The following SEMA3D variants were observed in gnomAD, a reference collection of about 807,000 sequenced individuals.
SEMA3D encodes the protein semaphorin 3D.
SEMA3D carries 84 observed loss-of-function variants against 100.1 expected under a neutral mutation model. The observed-to-expected ratio is 0.84, with a 90% CI of 0.70 to 1.01. SEMA3D has a LOEUF of 1.01. Ranked by LOEUF, SEMA3D falls within the 50% of genes least tolerant of loss-of-function variation. The pLI is 0.00. For synonymous variants in SEMA3D, 312 were observed against 320.7 expected, an observed-to-expected ratio of 0.97 and a Z score of 0.29; for missense variants, 875 against 934.1, an observed-to-expected ratio of 0.94 and a Z score of 0.82.
At position 85,169,770 on chromosome 7, in the gene SEMA3D, AT is replaced by A. The variant is rs371379171; in HGVS notation, c.-172-16032del. 3.1e-4 allele frequency among the ~76,000 whole-genome samples: 47 copies of A among 151,422 alleles called. No individual in the cohort carries two copies. The East Asian group carries it at 7.6e-3, about 24-fold the overall frequency. On this transcript the variant is annotated intron_variant, in intron 1 of 18. Coordinates refer to ENST00000284136, the MANE Select transcript of SEMA3D (RefSeq NM_001384900.1). The stretch of plus-strand genomic sequence containing the variant: ...ATTCTTTTTTCAAAACTCTACTTAC[AT>A]TTTTTTTCATTTGCAGATACAAAAC...
chr7:85,075,930 C>T (rs148413940), intron 5 of SEMA3D, among the ~76,000 whole-genome samples: 1 of 152,170 alleles, frequency 6.6e-6, no homozygotes, highest in African/African-American at 2.4e-5. Context: ...TTTATTCTTA[C>T]ACACAAAGTT....
chr7:85,001,967 A>C (rs990138746), intron 18 of SEMA3D, among the ~76,000 whole-genome samples: 3 of 152,082 alleles, frequency 2.0e-5, no homozygotes, highest in Admixed American at 2.0e-4. Flanking sequence ...GCTTTTAGAG[A>C]TTATCACAGC....
intron 2 of SEMA3D, among the ~76,000 whole-genome samples, chr7:85,126,408 T>TGTC (rs1562828145): frequency 0.01 from 1,354 of 130,650 alleles, 21 homozygotes; most frequent in African/African-American, 0.037. Context: ...GTGTGTCGTG[T>TGTC]GTGTGTGTGT....
At chr7:85,084,216 A>G (rs868338757) in intron 4 of SEMA3D, among the ~76,000 whole-genome samples, 1 of 152,270 alleles carries the variant, frequency 6.6e-6, no homozygotes, top group Middle Eastern at 3.4e-3. Context: ...TGAACTCTCA[A>G]GGTATCCTCT....
At chr7:85,194,816 T>C in the SEMA3D span, among the ~76,000 whole-genome samples, 3 of 152,164 alleles carry the variant, frequency 2.0e-5, no homozygotes, top group African/African-American at 7.2e-5. Flanking sequence ...TTCTAATTAG[T>C]GTGTAGATGG....
chr7:85,023,845 G>C (rs1790320158), intron 12 of SEMA3D, among the ~76,000 whole-genome samples: 1 of 151,838 alleles, frequency 6.6e-6, no homozygotes, highest in African/African-American at 2.4e-5. Context: ...TGTACTAAAA[G>C]TCTGTTAATG....
intron 2 of SEMA3D, among the ~76,000 whole-genome samples, chr7:85,135,493 C>T (rs1014796930): frequency 1.4e-4 from 21 of 151,064 alleles, no homozygotes; most frequent in Non-Finnish European, 1.2e-4. Context: ...CATAACACAC[C>T]GGGGCCTGTC....
chr7:85,144,578 T>C, intron 2 of SEMA3D: 1 of 985,188 alleles, frequency 1.0e-6, no homozygotes, highest in South Asian at 4.7e-5. Context: ...AGGATTTCCG[T>C]GAGGATCTTT....
At chr7:85,056,956 G>C (rs1483957239) in intron 8 of SEMA3D, among the ~76,000 whole-genome samples, 1 of 147,878 alleles carries the variant, frequency 6.8e-6, no homozygotes, top group Non-Finnish European at 1.5e-5. Flanking sequence ...TATATAATAA[G>C]TATTTAATAA....
At chr7:85,155,516 C>T (rs1440402230) in intron 1 of SEMA3D, among the ~76,000 whole-genome samples, 1 of 152,116 alleles carries the variant, frequency 6.6e-6, no homozygotes, top group Non-Finnish European at 1.5e-5. Context: ...GTATTTCCAA[C>T]AGGGGTGTAA....
chr7:85,236,700 C>G, the SEMA3D span, among the ~76,000 whole-genome samples: 298 of 152,202 alleles, frequency 2.0e-3, 1 homozygote, highest in Middle Eastern at 0.01. Flanking sequence ...AAAATCATCT[C>G]ATAAACTTAA....
At chr7:85,225,236 C>T in the SEMA3D span, among the ~76,000 whole-genome samples, 5 of 146,302 alleles carry the variant, frequency 3.4e-5, no homozygotes, top group Admixed American at 2.8e-4. Context: ...ACTTTTAGTG[C>T]TATTTTCTAG....
Position 85,014,745 on chromosome 7 carries a change from T to C in SEMA3D, c.1703+314A>G, listed in dbSNP as rs551029073. On this transcript the variant is annotated intron_variant, in intron 16 of 18. Transcript: ENST00000284136. ...GAAATAAGAAATAAGGAAGGAACAA[T>C]TATAAAAAAGGCAAAATAGTGAATA... Among the ~76,000 whole-genome samples the C allele has an allele frequency of 1.2e-3, 180 of 151,472 alleles. 5 individuals are homozygous for C. In the South Asian group the frequency reaches 0.036, roughly 30 times the overall value.
intron 15 of SEMA3D, among the ~76,000 whole-genome samples, chr7:85,017,786 T>C (rs2115824230): frequency 6.6e-6 from 1 of 151,896 alleles, no homozygotes; most frequent in South Asian, 2.1e-4. Flanking sequence ...CCCAACAAAC[T>C]CTGGAGGTGG....
chr7:85,249,658 A>G, the SEMA3D span, among the ~76,000 whole-genome samples: 2 of 152,218 alleles, frequency 1.3e-5, no homozygotes, highest in Non-Finnish European at 2.9e-5. Context: ...CTGTTTACTC[A>G]TATTAGTGAA....
intron 1 of SEMA3D, among the ~76,000 whole-genome samples, chr7:85,184,927 ACT>A: frequency 6.6e-6 from 1 of 152,062 alleles, no homozygotes; most frequent in South Asian, 2.1e-4. Context: ...GGGGCTGATC[ACT>A]CCCAACCCCG....
At chr7:85,138,611 T>C (rs1005363698) in intron 2 of SEMA3D, among the ~76,000 whole-genome samples, 1 of 146,086 alleles carries the variant, frequency 6.8e-6, no homozygotes, top group African/African-American at 2.5e-5. Context: ...CCTTTTATAA[T>C]ATATAATTTA....
chr7:85,067,747 A>G (rs956730271), intron 7 of SEMA3D, among the ~76,000 whole-genome samples: 13 of 152,184 alleles, frequency 8.5e-5, no homozygotes, highest in African/African-American at 2.7e-4. Flanking sequence ...ATCAGGTTAT[A>G]GTGAAATTGC....
chr7:85,154,469 G>A (rs913566292), intron 1 of SEMA3D, among the ~76,000 whole-genome samples: 1 of 152,072 alleles, frequency 6.6e-6, no homozygotes, highest in African/African-American at 2.4e-5. Context: ...CTACCATGTT[G>A]TGGGGCGGGG....
Sources: allele counts gnomAD v4.1 joint callset (sites outside exome capture counted in the v4.1 genomes callset), GRCh38; gene constraint gnomAD v4.1.1; transcripts MANE v1.5; gene names NCBI Gene and HGNC (gene_info 2026-07-23, HGNC 2026-07-21).